Variants in COL22A1 observed in about 807,000 individuals in gnomAD.
The protein encoded by COL22A1 is collagen type XXII alpha 1 chain.
In COL22A1, 221 loss-of-function variants were observed where a neutral mutation model predicts 248.9. The observed-to-expected ratio is 0.89, with a 90% CI of 0.80 to 0.99. The LOEUF is 0.99. COL22A1 is among the 50% of genes least tolerant of loss of function. COL22A1 has a pLI of 0.00. For synonymous variants in COL22A1, 891 were observed against 793.4 expected (o/e 1.12, Z -2.07); for missense variants, 2,240 against 2,179.0 (o/e 1.03, Z -0.56).
At chr8:138,768,463 G>A (rs1834087415) in intron 16 of COL22A1, among the ~76,000 whole-genome samples, 1 of 152,230 alleles carries the variant, frequency 6.6e-6, no homozygotes, top group Non-Finnish European at 1.5e-5. Flanking sequence ...CTGTGGCAGA[G>A]ACATGCAGGT....
intron 40 of COL22A1, 90 bp downstream of exon 40, chr8:138,679,527 C>T: frequency 9.3e-7 from 1 of 1,073,966 alleles, no homozygotes; most frequent in East Asian, 2.4e-5. Flanking sequence ...TCAACTAAGA[C>T]TCAGTCCCAT....
At chr8:138,890,939 C>T (rs960376574) in intron 1 of COL22A1, among the ~76,000 whole-genome samples, 1 of 151,790 alleles carries the variant, frequency 6.6e-6, no homozygotes, top group African/African-American at 2.4e-5. Context: ...AGGATGATTG[C>T]TTGAACCCAG....
At chr8:138,634,205 A>G (rs1224371976) in intron 49 of COL22A1, among the ~76,000 whole-genome samples, 2 of 152,228 alleles carry the variant, frequency 1.3e-5, no homozygotes, top group African/African-American at 2.4e-5. Flanking sequence ...TTAATTTCAT[A>G]TATTTTAAAT....
chr8:138,804,094 G>C lies in COL22A1; in HGVS notation c.1495-1160C>G, dbSNP rs1365947676. Among the ~76,000 whole-genome samples the C allele has an allele frequency of 2.0e-5, 3 of 152,052 alleles. No homozygotes were observed. The East Asian group carries it at 5.8e-4, about 29-fold the overall frequency. ...ATACTATCCCAATCCTCTCTTTCCT[G>C]CTCCCTTCCCCCTGGCCTATGAGTC... On this transcript the variant is annotated intron_variant, in intron 10 of 64. Coordinates refer to ENST00000303045, the MANE Select transcript of COL22A1 (RefSeq NM_152888.3).
chr8:138,656,079 GCCCAGTGGATGT>G (rs1362653935), intron 44 of COL22A1, 135 bp from the exon 45 acceptor site: 7 of 703,334 alleles, frequency 1.0e-5, no homozygotes, highest in Non-Finnish European at 1.7e-5. Flanking sequence ...GATACGGACA[GCCCAGTGGATGT>G]CCCAAGCCTG....
chr8:138,777,839 G>A (rs1000500167), intron 15 of COL22A1: 5 of 165,330 alleles, frequency 3.0e-5, no homozygotes, highest in African/African-American at 1.2e-4. Flanking sequence ...ACGTGTGCAT[G>A]TGTCTTTATA....
chr8:138,775,443 T>C (rs1814349455), intron 16 of COL22A1, among the ~76,000 whole-genome samples: 1 of 152,188 alleles, frequency 6.6e-6, no homozygotes, highest in Non-Finnish European at 1.5e-5. Context: ...GACATGTTGG[T>C]TGCATGGCAA....
At chr8:138,590,337 G>T (rs1587611207) in intron 64 of COL22A1, among the ~76,000 whole-genome samples, 1 of 152,022 alleles carries the variant, frequency 6.6e-6, no homozygotes, top group Non-Finnish European at 1.5e-5. Flanking sequence ...CTATAATCCT[G>T]CCTAGATCAA....
At chr8:138,731,259 C>T (rs559910479) in intron 23 of COL22A1, among the ~76,000 whole-genome samples, 1 of 152,130 alleles carries the variant, frequency 6.6e-6, no homozygotes, top group South Asian at 2.1e-4. Context: ...CAAGATTGCA[C>T]CATTGCACTC....
At chr8:138,812,844 C>T (rs1818356496) in intron 8 of COL22A1, 95 bp downstream of exon 8, 5 of 971,230 alleles carry the variant, frequency 5.1e-6, no homozygotes, top group South Asian at 2.6e-5. Flanking sequence ...GTCTCCCTGA[C>T]CACCAACCAC....
Position 138,729,146 on chromosome 8 carries a change from G to A in COL22A1, c.2140-3706C>T, listed in dbSNP as rs994829557. 3.3e-5 allele frequency among the ~76,000 whole-genome samples: 5 copies of A among 152,174 alleles called. No individual in the cohort carries two copies. The South Asian group carries it at 8.3e-4, about 25-fold the overall frequency. ...GCTTTTTCATTAAATTTACAGAGGA[G>A]GAAAATGAACTGATATTAGATAAAG... On this transcript the variant is annotated intron_variant, in intron 23 of 64. Coordinates refer to ENST00000303045, the MANE Select transcript of COL22A1 (RefSeq NM_152888.3).
At chr8:138,657,100 G>A (rs992329583) in intron 44 of COL22A1, among the ~76,000 whole-genome samples, 1 of 152,130 alleles carries the variant, frequency 6.6e-6, no homozygotes, top group Admixed American at 6.5e-5. Context: ...ATTGAAAGAG[G>A]GACTGAGAGA....
At chr8:138,870,562 G>C (rs1224347260) in intron 3 of COL22A1, among the ~76,000 whole-genome samples, 1 of 151,878 alleles carries the variant, frequency 6.6e-6, no homozygotes, top group African/African-American at 2.4e-5. Flanking sequence ...TGTGGTGCGT[G>C]TGGTGTGCAG....
chr8:138,800,084 C>T (rs1816870069), intron 11 of COL22A1, among the ~76,000 whole-genome samples: 1 of 152,216 alleles, frequency 6.6e-6, no homozygotes, highest in South Asian at 2.1e-4. Flanking sequence ...TAAATATCTG[C>T]ATCCCTGCTC....
intron 10 of COL22A1, among the ~76,000 whole-genome samples, chr8:138,805,942 G>C (rs56753504): frequency 6.9e-6 from 1 of 144,288 alleles, no homozygotes; most frequent in Admixed American, 6.9e-5. Context: ...CTGTGTGTGT[G>C]ATGGTATATT....
At chr8:138,692,202 G>A (rs1243407670) in intron 35 of COL22A1, among the ~76,000 whole-genome samples, 34 of 148,188 alleles carry the variant, frequency 2.3e-4, no homozygotes, top group African/African-American at 8.4e-4. Flanking sequence ...ATGTGTGCAT[G>A]TTTGTGGAGG....
chr8:138,867,790 C>T (rs1021092291), intron 3 of COL22A1, among the ~76,000 whole-genome samples: 23 of 152,130 alleles, frequency 1.5e-4, no homozygotes, highest in Admixed American at 7.2e-4. Flanking sequence ...TTATTTGAGA[C>T]GAAGTCCTAC....
At chr8:138,663,980 C>A (rs895088569) in intron 41 of COL22A1, among the ~76,000 whole-genome samples, 2 of 151,888 alleles carry the variant, frequency 1.3e-5, no homozygotes, top group Admixed American at 6.6e-5. Flanking sequence ...CTATCATCAT[C>A]CCTGCGTGGC....
At chr8:138,740,925 C>A (rs943646724) in intron 22 of COL22A1, among the ~76,000 whole-genome samples, 1 of 152,200 alleles carries the variant, frequency 6.6e-6, no homozygotes, top group Non-Finnish European at 1.5e-5. Context: ...GCCACAGGAA[C>A]CCACCCTGTT....
Sources: gnomAD v4.1 joint callset for allele counts (sites outside exome capture counted in the v4.1 genomes callset) on GRCh38, gnomAD v4.1.1 for gene constraint, MANE v1.5 for transcripts, NCBI Gene and HGNC (gene_info 2026-07-23, HGNC 2026-07-21) for gene names.